Variants in ADAM20 observed in about 807,000 individuals in gnomAD.
ADAM20 encodes ADAM metallopeptidase domain 20, also known as disintegrin and metalloproteinase domain-containing protein 20.
For missense variants in ADAM20, 871 were observed against 883.2 expected (o/e 0.99, Z 0.18); for synonymous variants, 305 against 310.2 (o/e 0.98, Z 0.18).
the ADAM20 span, among the ~76,000 whole-genome samples, chr14:70,559,946 T>C: frequency 6.6e-6 from 1 of 152,240 alleles, no homozygotes; most frequent in Non-Finnish European, 1.5e-5. Flanking sequence ...ATTCTTTTAT[T>C]GCTCTTGTGT....
chr14:70,534,854 T>A lies in ADAM20; in HGVS notation c.-234A>T, dbSNP rs1883798570. On this transcript the variant is annotated 5_prime_UTR_variant, in exon 1 of 2. Coordinates refer to ENST00000256389, the MANE Select transcript of ADAM20 (RefSeq NM_003814.5). ...TTCAGTCCTCTAATAACTTTTTAAATTTTTCCTATATTAATTTTCCTTGGT... is the reference window on the plus strand; with the variant it reads ...TTCAGTCCTCTAATAACTTTTTAAAATTTTCCTATATTAATTTTCCTTGGT... The A allele has an allele frequency of 6.6e-6, 1 of 152,236 alleles. No individual in the cohort carries two copies. Among genetic ancestry groups the A allele is most frequent in the African/African-American group, 2.4e-5 (1 of 41,474 alleles). The allele number at this position is 152,236 out of a possible 1,614,324, so 9.4% of individuals were successfully genotyped here.
the ADAM20 span, among the ~76,000 whole-genome samples, chr14:70,570,013 TGTACATGCAACA>T: frequency 1.3e-5 from 2 of 151,746 alleles, no homozygotes; most frequent in Non-Finnish European, 2.9e-5. Context: ...TTTAATCATC[TGTACATGCAACA>T]TTCTCTAAAT....
chr14:70,574,710 A>G, the ADAM20 span, among the ~76,000 whole-genome samples: 5 of 152,212 alleles, frequency 3.3e-5, no homozygotes, highest in African/African-American at 1.2e-4. Context: ...TCAAGGAATT[A>G]GAGAAAAACG....
intron 1 of ADAM20, among the ~76,000 whole-genome samples, chr14:70,525,416 C>G (rs988586707): frequency 6.6e-6 from 1 of 151,978 alleles, no homozygotes; most frequent in Non-Finnish European, 1.5e-5. Flanking sequence ...GAGATGGAGT[C>G]TCACTATGTT....
the ADAM20 span, among the ~76,000 whole-genome samples, chr14:70,569,914 A>C: frequency 8.2e-5 from 11 of 134,130 alleles, no homozygotes; most frequent in South Asian, 1.2e-3. Flanking sequence ...AAAAAAAAAA[A>C]CACTCTGGAC....
At chr14:70,567,835 C>A in the ADAM20 span, among the ~76,000 whole-genome samples, 1 of 152,112 alleles carries the variant, frequency 6.6e-6, no homozygotes, top group Non-Finnish European at 1.5e-5. Flanking sequence ...AGGTCGTGAG[C>A]TTTGCAACAG....
chr14:70,560,291 T>G, the ADAM20 span, among the ~76,000 whole-genome samples: 1 of 152,134 alleles, frequency 6.6e-6, no homozygotes, highest in African/African-American at 2.4e-5. Context: ...TTTCTGATAG[T>G]CTACCTAGAA....
Position 70,524,731 on chromosome 14 carries a change from G to A in ADAM20, c.27C>T (p.His9=), listed in dbSNP as rs1170332227. The part of the protein sequence containing the change: MAVGEPLV[H]IRVTLLLLWF... ...AGAGCAGCAGAAGAGTGACCCTGAT[G>A]TGCACCAGGGGCTCACCCACTGCCA... The change falls in exon 2 of 2, where the codon CAC becomes CAT. Residue 9 remains histidine, a synonymous_variant. Transcript: ENST00000256389. 1 of 1,613,962 alleles carries A rather than the reference G, an allele frequency of 6.2e-7. No homozygotes were observed. The highest frequency in any genetic ancestry group is 1.3e-5 in the African/African-American group (1 of 75,024).
the ADAM20 span, among the ~76,000 whole-genome samples, chr14:70,559,742 A>G: frequency 3.9e-5 from 6 of 152,290 alleles, no homozygotes; most frequent in African/African-American, 1.4e-4. Context: ...CTAACAGACC[A>G]AAGCATACAC....
At chr14:70,572,769 A>G in the ADAM20 span, among the ~76,000 whole-genome samples, 1 of 152,168 alleles carries the variant, frequency 6.6e-6, no homozygotes, top group African/African-American at 2.4e-5. Context: ...ACCATTGAAA[A>G]GTAGGCAAAG....
At chr14:70,534,243 C>T (rs1438323813) in intron 1 of ADAM20, among the ~76,000 whole-genome samples, 1 of 151,998 alleles carries the variant, frequency 6.6e-6, no homozygotes, top group East Asian at 1.9e-4. Context: ...AAAAATGTGA[C>T]TTCCAATGCT....
chr14:70,533,301 G>A (rs533466986), intron 1 of ADAM20, among the ~76,000 whole-genome samples: 4 of 152,058 alleles, frequency 2.6e-5, no homozygotes, highest in Non-Finnish European at 5.9e-5. Flanking sequence ...ACATGCACAC[G>A]TATGTTTACT....
the ADAM20 span, among the ~76,000 whole-genome samples, chr14:70,560,213 T>A: frequency 6.6e-6 from 1 of 152,186 alleles, no homozygotes; most frequent in Non-Finnish European, 1.5e-5. Context: ...TTAATGGCAA[T>A]CTTAAATGTA....
At chr14:70,541,039 C>T in the ADAM20 span, among the ~76,000 whole-genome samples, 1 of 152,190 alleles carries the variant, frequency 6.6e-6, no homozygotes, top group African/African-American at 2.4e-5. Flanking sequence ...GATCCACCCA[C>T]CTCAGCCTCC....
chr14:70,579,020 G>A, the ADAM20 span, among the ~76,000 whole-genome samples: 1 of 152,020 alleles, frequency 6.6e-6, no homozygotes, highest in Non-Finnish European at 1.5e-5. Context: ...GACATTATTT[G>A]ATTCACTTTT....
intron 1 of ADAM20, among the ~76,000 whole-genome samples, chr14:70,526,145 G>T (rs775023394): frequency 2.6e-5 from 4 of 152,178 alleles, no homozygotes; most frequent in Non-Finnish European, 4.4e-5. Context: ...TCAAGTAAAA[G>T]CTAACTTTGC....
At chr14:70,558,355 T>C in the ADAM20 span, among the ~76,000 whole-genome samples, 1 of 152,244 alleles carries the variant, frequency 6.6e-6, no homozygotes, top group Non-Finnish European at 1.5e-5. Context: ...TTTACTACCC[T>C]GGCTACTAGA....
chr14:70,546,692 C>A, the ADAM20 span, among the ~76,000 whole-genome samples: 1 of 151,922 alleles, frequency 6.6e-6, no homozygotes, highest in Non-Finnish European at 1.5e-5. Context: ...TTCACAGCAC[C>A]TACATCAACA....
chr14:70,524,975 AAGAG>A, intron 1 of ADAM20, 42 bp from the exon 2 acceptor site: 1 of 1,493,640 alleles, frequency 6.7e-7, no homozygotes, highest in Non-Finnish European at 9.0e-7. Context: ...GAAAGGGAGA[AAGAG>A]AGAGAGAAAA....
Sources: gnomAD v4.1 joint callset for allele counts (sites outside exome capture counted in the v4.1 genomes callset) on GRCh38, gnomAD v4.1.1 for gene constraint, MANE v1.5 for transcripts, NCBI Gene and HGNC (gene_info 2026-07-23, HGNC 2026-07-21) for gene names.